KCNN2: variants seen among roughly 807,000 people sequenced by gnomAD.
The protein encoded by KCNN2 is small conductance calcium-activated potassium channel protein 2.
KCNN2 carries 24 observed loss-of-function variants against 55.5 expected under a neutral mutation model. The observed-to-expected ratio is 0.43, with a 90% CI of 0.31 to 0.61. The LOEUF (loss-of-function observed/expected upper bound fraction) is 0.61, where lower values mean the gene tolerates loss of function less well. Ranked by LOEUF, KCNN2 falls within the 20% of genes least tolerant of loss-of-function variation. The pLI is 0.08. For missense variants in KCNN2, 754 were observed against 853.6 expected (o/e 0.88, Z 1.45); for synonymous variants, 431 against 336.1 (o/e 1.28, Z -3.09).
At chr5:114,482,577 G>T (rs1258599340) in intron 5 of KCNN2, among the ~76,000 whole-genome samples, 1 of 152,138 alleles carries the variant, frequency 6.6e-6, no homozygotes. Flanking sequence ...ATATGCATGT[G>T]TATGTTCATT....
intron 2 of KCNN2, among the ~76,000 whole-genome samples, chr5:114,239,098 T>G (rs1754567224): frequency 6.6e-6 from 1 of 151,988 alleles, no homozygotes; most frequent in East Asian, 1.9e-4. Flanking sequence ...TTGGGAAGAG[T>G]TAGTATGCTC....
At chr5:114,131,002 A>G (rs906089655) in intron 1 of KCNN2, among the ~76,000 whole-genome samples, 2 of 152,256 alleles carry the variant, frequency 1.3e-5, no homozygotes, top group African/African-American at 4.8e-5. Flanking sequence ...GTCAAAAATA[A>G]AATGTGAACA....
chr5:114,230,001 C>T (rs1345868822), intron 2 of KCNN2, among the ~76,000 whole-genome samples: 1 of 152,092 alleles, frequency 6.6e-6, no homozygotes, highest in Admixed American at 6.6e-5. Flanking sequence ...GATAAATACT[C>T]CAAACTGTTA....
intron 2 of KCNN2, among the ~76,000 whole-genome samples, chr5:114,378,414 A>G (rs1326969700): frequency 6.6e-6 from 1 of 152,224 alleles, no homozygotes; most frequent in Non-Finnish European, 1.5e-5. Context: ...CTATCTTTGC[A>G]TCAAAAGCTG....
intron 1 of KCNN2, among the ~76,000 whole-genome samples, chr5:114,085,368 A>T (rs527300922): frequency 6.6e-6 from 1 of 151,886 alleles, no homozygotes; most frequent in Admixed American, 6.6e-5. Context: ...AATTGCTCTC[A>T]CTAGTTTCTG....
intron 1 of KCNN2, among the ~76,000 whole-genome samples, chr5:114,068,888 A>C (rs955125207): frequency 6.6e-6 from 1 of 151,606 alleles, no homozygotes; most frequent in Non-Finnish European, 1.5e-5. Flanking sequence ...ATCTCAGCTC[A>C]CTGGAACCTC....
At chr5:114,110,103 A>G (rs1439155184) in intron 1 of KCNN2, among the ~76,000 whole-genome samples, 1 of 152,042 alleles carries the variant, frequency 6.6e-6, no homozygotes, top group Non-Finnish European at 1.5e-5. Context: ...TCACTAAACA[A>G]CTAAACCTGC....
intron 2 of KCNN2, among the ~76,000 whole-genome samples, chr5:114,348,168 A>C (rs558054366): frequency 6.6e-6 from 1 of 152,008 alleles, no homozygotes; most frequent in African/African-American, 2.4e-5. Flanking sequence ...AACCTCTACA[A>C]AAGGCTCGGT....
intron 2 of KCNN2, among the ~76,000 whole-genome samples, chr5:114,365,152 C>G (rs1424483386): frequency 6.6e-6 from 1 of 152,082 alleles, no homozygotes; most frequent in Non-Finnish European, 1.5e-5. Flanking sequence ...GCACATTACT[C>G]CAAGTGCAGA....
chr5:114,300,024 A>G (rs968136710), intron 2 of KCNN2, among the ~76,000 whole-genome samples: 3 of 9,078 alleles, frequency 3.3e-4, no homozygotes, highest in East Asian at 3.9e-3. Context: ...TCTTCCAAAA[A>G]TGGTGTTTTT....
At chr5:114,208,008 G>A (rs1178543017) in intron 1 of KCNN2, among the ~76,000 whole-genome samples, 2 of 152,224 alleles carry the variant, frequency 1.3e-5, no homozygotes, top group Non-Finnish European at 2.9e-5. Context: ...AACACAGTAG[G>A]TAGGTTGTGA....
chr5:114,262,373 T>C (rs958977184), intron 2 of KCNN2, among the ~76,000 whole-genome samples: 5 of 152,294 alleles, frequency 3.3e-5, no homozygotes, highest in African/African-American at 1.2e-4. Context: ...AATGTTTTGG[T>C]TCATTAAAGC....
At chr5:114,061,621 T>A (rs1007916087) in intron 1 of KCNN2, among the ~76,000 whole-genome samples, 1 of 152,076 alleles carries the variant, frequency 6.6e-6, no homozygotes, top group Non-Finnish European at 1.5e-5. Context: ...GTTCATTGCT[T>A]GGGTTTGATG....
At chr5:114,091,781 C>T (rs757572044) in intron 1 of KCNN2, among the ~76,000 whole-genome samples, 12 of 152,224 alleles carry the variant, frequency 7.9e-5, no homozygotes, top group Non-Finnish European at 1.5e-4. Context: ...GCTTATAAAA[C>T]CACCAGATCT....
chr5:114,203,797 C>A (rs1753719970), intron 1 of KCNN2, among the ~76,000 whole-genome samples: 1 of 152,200 alleles, frequency 6.6e-6, no homozygotes, highest in Admixed American at 6.5e-5. Flanking sequence ...CCAGTGCTTC[C>A]TTCTGTACCT....
At chr5:114,414,178 C>T (rs1041999502) in intron 3 of KCNN2, among the ~76,000 whole-genome samples, 2 of 151,804 alleles carry the variant, frequency 1.3e-5, no homozygotes, top group Non-Finnish European at 2.9e-5. Context: ...TTAATACAAT[C>T]ATAGAAATGC....
At chr5:114,393,974 A>T (rs919593614) in intron 2 of KCNN2, among the ~76,000 whole-genome samples, 2 of 40,784 alleles carry the variant, frequency 4.9e-5, no homozygotes, top group African/African-American at 3.7e-4. Context: ...ACAAATAATC[A>T]TGTACATTCA....
chr5:114,253,829 A>C (rs187813484), intron 2 of KCNN2: 4 of 152,218 alleles, frequency 2.6e-5, no homozygotes. Flanking sequence ...ATCTTTTATA[A>C]TTATTTTTCG....
In KCNN2 at chr5:114,496,115, C is replaced by G; in HGVS notation, c.2309C>G (p.Ser770Cys). 6.2e-7 allele frequency: 1 copy of G among 1,613,992 alleles called. No individual in the cohort carries two copies. Residue 770 changes from serine to cysteine, a missense_variant, in exon 8 of 8, where the codon TCC (serine) becomes TGC (cysteine). By Grantham distance (112) the Ser-to-Cys change is moderately radical. This residue lies in a region of KCNN2 where 164 missense variants were observed against 156.6 expected (regional missense o/e 1.05). Transcript: ENST00000673685. ...CACGTCACTTACAATGCTGAGCGGTCCCGGTCCTCGTCCAGGAGGCGGCGG... is the reference window on the plus strand; with the variant it reads ...CACGTCACTTACAATGCTGAGCGGTGCCGGTCCTCGTCCAGGAGGCGGCGG... Reference protein sequence around the residue: ...DKHVTYNAERSRSSSRRRRSS... With the variant: ...DKHVTYNAERCRSSSRRRRSS...
Sources: gnomAD v4.1 joint callset for allele counts (sites outside exome capture counted in the v4.1 genomes callset) on GRCh38, gnomAD v4.1.1 for gene constraint, gnomAD v4.1.1 regional missense constraint, MANE v1.5 for transcripts, NCBI Gene and HGNC (gene_info 2026-07-23, HGNC 2026-07-21) for gene names.